Variants in DNAH11 observed in about 807,000 individuals in gnomAD.
DNAH11 encodes the protein dynein axonemal heavy chain 11, also known as axonemal beta dynein heavy chain 11.
Under a neutral mutation model 526.0 loss-of-function variants are expected in DNAH11, and 442 were observed. The observed-to-expected ratio is 0.84, with a 90% CI of 0.78 to 0.91. DNAH11 has a LOEUF of 0.91. Among genes scored for constraint, DNAH11 ranks in the 40% least tolerant of loss-of-function variants. DNAH11 has a pLI of 0.00. For synonymous variants in DNAH11, 2,461 were observed against 1,935.9 expected, an observed-to-expected ratio of 1.27 and a Z score of -7.12; for missense variants, 6,989 against 5,448.7, an observed-to-expected ratio of 1.28 and a Z score of -8.90.
rs66803559 is a variant in DNAH11, at chr7:21,763,353, A to AAAAAAAGAAG, written c.8941-2072_8941-2071insAAAGAAGAAA. On this transcript the variant is annotated intron_variant, in intron 54 of 81. Coordinates refer to ENST00000409508, the MANE Select transcript of DNAH11 (RefSeq NM_001277115.2). ...CAAGACTGTCTCAAAAAAAAAAAAA[A>AAAAAAAGAAG]AAAGAAAAAAAAAAAGACTTACAAA... Among the ~76,000 whole-genome samples, 5 of 56,962 alleles carry AAAAAAAGAAG rather than the reference A, an allele frequency of 8.8e-5. 2 individuals carry two copies. The highest frequency in any genetic ancestry group is 8.4e-5 in the Non-Finnish European group (3 of 35,562). The allele number at this position is 56,962 out of a possible 152,430, so 37.4% of individuals were successfully genotyped here. A position where few individuals can be genotyped will look rare whatever the true frequency, so the allele number is the denominator to read the frequency against.
chr7:21,614,305 A>G (rs947203071), intron 20 of DNAH11, among the ~76,000 whole-genome samples: 8 of 152,332 alleles, frequency 5.3e-5, no homozygotes, highest in African/African-American at 1.4e-4. Context: ...GTAACCTAGT[A>G]TAATGTCTAA....
chr7:21,750,260 A>G lies in DNAH11; in HGVS notation c.8836A>G (p.Lys2946Glu). The G allele has an allele frequency of 6.2e-7, 1 of 1,606,224 alleles. No individual in the cohort carries two copies. Among genetic ancestry groups the G allele is most frequent in the Non-Finnish European group, 8.5e-7 (1 of 1,176,160 alleles). Residue 2946 changes from lysine to glutamate, a missense_variant, in exon 54 of 82, where the codon AAG becomes GAG. Coordinates refer to ENST00000409508, the MANE Select transcript of DNAH11 (RefSeq NM_001277115.2). ...TCTGTTCAGCGATGAAGATGTGGACAAGATAATTTCTGGAATTCATAATGA... is the reference window on the plus strand; with the variant it reads ...TCTGTTCAGCGATGAAGATGTGGACGAGATAATTTCTGGAATTCATAATGA... ...PDLFSDEDVD[K>E]IISGIHNEVH...
At position 21,786,781 on chromosome 7, in the gene DNAH11, C is replaced by T. The variant is rs760821457; in HGVS notation, c.9741+14C>T. ...TTCATGGGAAAGGTATCAGCCCAGC[C>T]TGGCAAGATGAAAATCCTGATAATT... On this transcript the variant is annotated intron_variant, in intron 59 of 81. Transcript: ENST00000409508. 44 of 1,613,260 alleles carry T rather than the reference C, an allele frequency of 2.7e-5. No homozygotes were observed. Among genetic ancestry groups the T allele is most frequent in the Non-Finnish European group, 3.7e-5 (44 of 1,179,428 alleles).
At chr7:21,669,967 AC>A (rs1026486847) in intron 30 of DNAH11, among the ~76,000 whole-genome samples, 6 of 152,062 alleles carry the variant, frequency 3.9e-5, no homozygotes, top group African/African-American at 1.4e-4. Flanking sequence ...TTTTATATAT[AC>A]CTTCCAACTT....
At chr7:21,687,617 C>G (rs888204417) in intron 34 of DNAH11, 90 bp downstream of exon 34, 2 of 1,415,538 alleles carry the variant, frequency 1.4e-6, no homozygotes, top group Admixed American at 2.3e-5. Context: ...TGCTACCTCT[C>G]CCTGTCTCAT....
chr7:21,809,776 G>A (rs1222586243), intron 63 of DNAH11, among the ~76,000 whole-genome samples: 1 of 151,916 alleles, frequency 6.6e-6, no homozygotes, highest in African/African-American at 2.4e-5. Context: ...ATGTTGCCCA[G>A]GCTGGTCTCA....
chr7:21,669,327 G>T (rs547300050), intron 30 of DNAH11, among the ~76,000 whole-genome samples: 2 of 152,052 alleles, frequency 1.3e-5, no homozygotes, highest in African/African-American at 4.8e-5. Context: ...AAGCACCACC[G>T]TGCTCAGTTT....
Position 21,707,716 on chromosome 7 carries a change from C to A in DNAH11, c.6564C>A (p.Asn2188Lys), listed in dbSNP as rs755234765. Residue 2188 changes from asparagine to lysine, a missense_variant, in exon 40 of 82, where the codon AAC becomes AAA. Coordinates refer to ENST00000409508, the MANE Select transcript of DNAH11 (RefSeq NM_001277115.2). ...CCCCTCAGATTTTGAGAACACTGAA[C>A]CGAACATATGTTAACATGAAACAGA... ...TGKSKILRTL[N>K]RTYVNMKQKP... 4.3e-6 allele frequency: 7 copies of A among 1,612,736 alleles called. No individual in the cohort carries two copies. The highest frequency in any genetic ancestry group is 1.1e-5 in the South Asian group (1 of 90,838).
intron 25 of DNAH11, 34 bp downstream of exon 25, chr7:21,620,112 AT>A: frequency 4.1e-6 from 6 of 1,473,526 alleles, no homozygotes; most frequent in Non-Finnish European, 5.5e-6. Context: ...TATATTTTTC[AT>A]TTTATTTTTA....
chr7:21,884,373 G>A lies in DNAH11; in HGVS notation c.12470G>A (p.Cys4157Tyr). ...ACAGATGACTGGGATCGCAAACTGT[G>A]TCGGGTGTATTTAGAAGAATTCATG... ...HITDDWDRKLCRVYLEEFMNP... is the reference protein window; with the variant it reads ...HITDDWDRKLYRVYLEEFMNP... The change falls in exon 76 of 82, where the codon TGT becomes TAT. Residue 4157 changes from cysteine to tyrosine, a missense_variant. Transcript: ENST00000409508. 1 of 1,613,128 alleles carries A rather than the reference G, an allele frequency of 6.2e-7. No individual in the cohort carries two copies. The highest frequency in any genetic ancestry group is 8.5e-7 in the Non-Finnish European group (1 of 1,179,382).
At chr7:21,748,097 T>C (rs1057439181) in intron 51 of DNAH11, among the ~76,000 whole-genome samples, 2 of 152,220 alleles carry the variant, frequency 1.3e-5, no homozygotes, top group African/African-American at 4.8e-5. Context: ...GTAGCGTCTT[T>C]GTTTGATGGG....
intron 8 of DNAH11, among the ~76,000 whole-genome samples, chr7:21,579,183 C>T (rs546541876): frequency 5.0e-4 from 76 of 152,266 alleles, no homozygotes; most frequent in African/African-American, 1.8e-3. Flanking sequence ...CCTTCAATAG[C>T]TTCTCATGAT....
rs985987074 is a variant in DNAH11 at position 21,818,106 on chromosome 7, A to T, written c.10569-111A>T. 4.9e-5 allele frequency: 53 copies of T among 1,074,282 alleles called. 2 individuals carry two copies. In the Middle Eastern group the frequency reaches 1.4e-3, roughly 28 times the overall value. The allele number at this position is 1,074,282 out of a possible 1,614,324, so 66.5% of individuals were successfully genotyped here. A position where few individuals can be genotyped will look rare whatever the true frequency, so the allele number is the denominator to read the frequency against. The stretch of plus-strand genomic sequence containing the variant: ...CTACTTTATAAAATAGTTTTCTCTA[A>T]GTTTGTCCCATTTAGAATATCTACA... On this transcript the variant is annotated intron_variant, in intron 64 of 81. Transcript: ENST00000409508.
At position 21,895,016 on chromosome 7, in the gene DNAH11, T is replaced by G. The variant is rs1784458813; in HGVS notation, c.13049+17T>G. 1.2e-6 allele frequency: 2 copies of G among 1,603,758 alleles called. No homozygotes were observed. The highest frequency in any genetic ancestry group is 1.7e-6 in the Non-Finnish European group (2 of 1,170,938). ...AGCCCAGTGGTAAGCTACCCCATCC[T>G]CACTGCCACTGGCCCTGAGCAGCCT... is the stretch of plus-strand genomic sequence containing the variant. On this transcript the variant is annotated intron_variant, in intron 79 of 81. Coordinates refer to ENST00000409508, the MANE Select transcript of DNAH11 (RefSeq NM_001277115.2).
intron 25 of DNAH11, among the ~76,000 whole-genome samples, chr7:21,633,356 T>A (rs1786707958): frequency 6.6e-6 from 1 of 152,210 alleles, no homozygotes; most frequent in Non-Finnish European, 1.5e-5. Flanking sequence ...GTCCACTGTT[T>A]CTCTCTTGAT....
intron 18 of DNAH11, among the ~76,000 whole-genome samples, chr7:21,601,959 T>C (rs2128447391): frequency 1.3e-5 from 2 of 152,256 alleles, no homozygotes; most frequent in Middle Eastern, 6.8e-3. Flanking sequence ...ACATGAAATA[T>C]ATCCATACTT....
At chr7:21,647,223 A>C (rs1243522446) in intron 28 of DNAH11, among the ~76,000 whole-genome samples, 1 of 152,144 alleles carries the variant, frequency 6.6e-6, no homozygotes, top group Non-Finnish European at 1.5e-5. Context: ...GTAAATTCAC[A>C]GACTTAAGAA....
chr7:21,721,931 C>G (rs1196554849), intron 44 of DNAH11, among the ~76,000 whole-genome samples: 1 of 151,944 alleles, frequency 6.6e-6, no homozygotes, highest in Admixed American at 6.6e-5. Flanking sequence ...TTTCACTGAT[C>G]TTTTTTTTAG....
chr7:21,639,101 G>A (rs751203016), intron 28 of DNAH11, 36 bp downstream of exon 28: 1 of 1,571,340 alleles, frequency 6.4e-7, no homozygotes, highest in South Asian at 1.2e-5. Flanking sequence ...ATTATACTGT[G>A]TTAGCTGAGG....
Sources: gnomAD v4.1 joint callset for allele counts (sites outside exome capture counted in the v4.1 genomes callset) on GRCh38, gnomAD v4.1.1 for gene constraint, MANE v1.5 for transcripts, NCBI Gene and HGNC (gene_info 2026-07-23, HGNC 2026-07-21) for gene names.